Variants in TNK1 observed in about 807,000 individuals in gnomAD.
TNK1 encodes the protein non-receptor tyrosine-protein kinase TNK1.
Under a neutral mutation model 65.2 loss-of-function variants are expected in TNK1, and 53 were observed. The ratio of observed to expected loss-of-function variants is 0.81; its 90% CI spans 0.65 to 1.02. TNK1 has a LOEUF of 1.02. Among genes scored for constraint, TNK1 ranks in the 50% least tolerant of loss-of-function variants. The pLI, the probability that TNK1 is intolerant of heterozygous loss-of-function variation, is 0.00. For missense variants in TNK1, 837 were observed against 878.4 expected (o/e 0.95, Z 0.60); for synonymous variants, 353 against 364.6 (o/e 0.97, Z 0.36).
chr17:7,382,717 C>A lies in TNK1; in HGVS notation c.-91-119C>A. ...TACTCAGCGGTGAAGGGACAGAGTA[C>A]CCGGATGCCTGGGCACGGGGAACAT... On this transcript the variant is annotated intron_variant, in intron 1 of 12. Transcript: ENST00000688331. The surrounding 1 kb of genome is among the most constrained non-coding windows in gnomAD (Gnocchi z 4.1). 4.5e-6 allele frequency: 2 copies of A among 439,890 alleles called. No individual in the cohort carries two copies. Among genetic ancestry groups the A allele is most frequent in the East Asian group, 3.4e-5 (1 of 29,066 alleles). The allele number at this position is 439,890 out of a possible 1,614,324, so 27.2% of individuals were successfully genotyped here.
chr17:7,382,816 G>A lies in TNK1; in HGVS notation c.-91-20G>A, dbSNP rs1567644245. On this transcript the variant is annotated intron_variant, in intron 1 of 12. Coordinates refer to ENST00000688331, the MANE Select transcript of TNK1 (RefSeq NM_003985.6). This position sits in a 1 kb window ranked among gnomAD's most constrained non-coding sequence, Gnocchi z 4.1. ...GCTGTGTCCCTGCCTCTGTACCTGAGTGTTTCTAATGACTTGCAGGTGGAG... is the reference window on the plus strand; with the variant it reads ...GCTGTGTCCCTGCCTCTGTACCTGAATGTTTCTAATGACTTGCAGGTGGAG... The A allele has an allele frequency of 1.7e-6, 2 of 1,171,912 alleles. No homozygotes were observed. The highest frequency in any genetic ancestry group is 2.4e-5 in the East Asian group (1 of 41,736). 72.6% of individuals were successfully genotyped at this position (1,171,912 alleles called of 1,614,324 possible). A position where few individuals can be genotyped will look rare whatever the true frequency, so the allele number is the denominator to read the frequency against.
At chr17:7,387,345 G>A in intron 9 of TNK1, 33 bp from the exon 10 acceptor site, 1 of 1,581,900 alleles carries the variant, frequency 6.3e-7, no homozygotes. Context: ...GGGAGAGTTG[G>A]TGTGGAGGAT....
intron 9 of TNK1, 72 bp from the exon 10 acceptor site, chr17:7,387,306 T>C: frequency 6.5e-7 from 1 of 1,537,828 alleles, no homozygotes; most frequent in Non-Finnish European, 8.8e-7. Context: ...TGTGAGTTTT[T>C]TTGGGAGGGT....
chr17:7,383,069 G>A lies in TNK1; in HGVS notation c.143G>A (p.Gly48Asp). Residue 48 changes from glycine to aspartate, a missense_variant, in exon 2 of 13, where the codon GGC becomes GAC. Gly to Asp is a moderately conservative substitution (Grantham distance 94). Coordinates refer to ENST00000688331, the MANE Select transcript of TNK1 (RefSeq NM_003985.6). ...TTTGTAAAGCCTGAGGACCTGGACGGCATTGGCATGGGCCGGCCTGGTGAG... is the reference window on the plus strand; with the variant it reads ...TTTGTAAAGCCTGAGGACCTGGACGACATTGGCATGGGCCGGCCTGGTGAG... ...FDFVKPEDLD[G>D]IGMGRPAQRR... is the part of the protein sequence containing the mutation. 1 of 1,614,032 alleles carries A rather than the reference G, an allele frequency of 6.2e-7. No homozygotes were observed. Among genetic ancestry groups the A allele is most frequent in the Non-Finnish European group, 8.5e-7 (1 of 1,179,904 alleles).
At chr17:7,386,941 T>A (rs772854230) in intron 8 of TNK1, 49 bp from the exon 9 acceptor site, 1 of 1,498,696 alleles carries the variant, frequency 6.7e-7, no homozygotes, top group Non-Finnish European at 9.0e-7. Context: ...GGCCCAGCCC[T>A]AACTCTTGCC....
Position 7,388,505 on chromosome 17 carries a change from A to G in TNK1, c.1577A>G (p.Gln526Arg), listed in dbSNP as rs1905338722. ...ATTCGACAAGCCAGAGCTGTGCCCC[A>G]GGGACCTCCAGGCCTGCCTCCACGC... is the stretch of plus-strand genomic sequence containing the variant. The part of the protein sequence containing the change: ...PEIRQARAVP[Q>R]GPPGLPPRPP... The change falls in exon 11 of 13, where the codon CAG (glutamine) becomes CGG (arginine). Residue 526 changes from glutamine (Q) to arginine (R), a missense_variant. By Grantham distance (43) the Gln-to-Arg change is conservative (BLOSUM62 1). Coordinates refer to ENST00000688331, the MANE Select transcript of TNK1 (RefSeq NM_003985.6). This position sits in a 1 kb window ranked among gnomAD's most constrained non-coding sequence, Gnocchi z 4.5. The G allele has an allele frequency of 1.9e-6, 3 of 1,613,828 alleles. No individual in the cohort carries two copies. In the South Asian group the frequency reaches 3.3e-5, roughly 18 times the overall value.
intron 1 of TNK1, 75 bp downstream of exon 1, chr17:7,381,189 G>C (rs1005617726): frequency 1.3e-5 from 2 of 152,432 alleles, no homozygotes; most frequent in Non-Finnish European, 2.9e-5. Flanking sequence ...GGCGCGTCCG[G>C]GGGGCGCTGG....
chr17:7,383,243 C>G lies in TNK1; in HGVS notation c.164-7C>G, dbSNP rs1464119733. Reference sequence around the variant, plus strand: ...TCCACTCCAGCCCTGATTCTGGCCTCCCACAGCCCAGCGCAGACTGTCCGA... The same window carrying G: ...TCCACTCCAGCCCTGATTCTGGCCTGCCACAGCCCAGCGCAGACTGTCCGA... On this transcript the variant is annotated splice_polypyrimidine_tract_variant and splice_region_variant and intron_variant, in intron 2 of 12. Coordinates refer to ENST00000688331, the MANE Select transcript of TNK1 (RefSeq NM_003985.6). 2 of 1,613,894 alleles carry G rather than the reference C, an allele frequency of 1.2e-6. No homozygotes were observed. Among genetic ancestry groups the G allele is most frequent in the Admixed American group, 1.7e-5 (1 of 59,998 alleles).
chr17:7,383,947 C>T (rs1003522330), intron 5 of TNK1, 23 bp from the exon 6 acceptor site: 1 of 1,521,904 alleles, frequency 6.6e-7, no homozygotes. Flanking sequence ...CCGGCTCACG[C>T]GGCGCGGTGT....
intron 5 of TNK1, 50 bp downstream of exon 5, chr17:7,383,914 T>C: frequency 6.4e-7 from 1 of 1,570,458 alleles, no homozygotes; most frequent in Non-Finnish European, 8.6e-7. Flanking sequence ...GGCAGGAGCG[T>C]GGGCGGCCAG....
chr17:7,387,531 C>A, intron 10 of TNK1, 74 bp downstream of exon 10: 7 of 1,277,598 alleles, frequency 5.5e-6, no homozygotes, highest in South Asian at 1.3e-5. Context: ...TGCCCTAAAT[C>A]CATGCCTTTG....
In TNK1 at chr17:7,387,174, A is replaced by G. The variant is rs753213764; in HGVS notation, c.1397+20A>G. 3 of 1,554,060 alleles carry G rather than the reference A, an allele frequency of 1.9e-6. No individual in the cohort carries two copies. The highest frequency in any genetic ancestry group is 1.9e-5 in the Admixed American group (1 of 52,180). On this transcript the variant is annotated intron_variant, in intron 9 of 12. Transcript: ENST00000688331. ...AGATGGGTGAGGACCTGAAAGGGTG[A>G]GGGCAGGGGTTGGCTGGGAGAACTG...
chr17:7,384,022 C>T lies in TNK1; in HGVS notation c.635C>T (p.Ala212Val). ...GSLHARLTAP[A>V]PTPPLLVALL... ...CTGCACGCGCGCCTAACGGCCCCGG[C>T]CCCGACACCCCCGCTGCTCGTGGCC... is the stretch of plus-strand genomic sequence containing the variant. Residue 212 changes from alanine to valine, a missense_variant, in exon 6 of 13, where the codon GCC becomes GTC. Coordinates refer to ENST00000688331, the MANE Select transcript of TNK1 (RefSeq NM_003985.6). 1.3e-6 allele frequency: 2 copies of T among 1,507,280 alleles called. No individual in the cohort carries two copies. The highest frequency in any genetic ancestry group is 1.8e-4 in the Middle Eastern group (1 of 5,460). The allele number at this position is 1,507,280 out of a possible 1,614,324, so 93.4% of individuals were successfully genotyped here. A position where few individuals can be genotyped will look rare whatever the true frequency, so the allele number is the denominator to read the frequency against.
At position 7,383,858 on chromosome 17, in the gene TNK1, G is replaced by T. The variant is rs1905000182; in HGVS notation, c.576G>T (p.Leu192=). The T allele has an allele frequency of 1.2e-6, 2 of 1,609,126 alleles. No individual in the cohort carries two copies. Among genetic ancestry groups the T allele is most frequent in the Admixed American group, 1.7e-5 (1 of 59,468 alleles). Residue 192 remains leucine (L), a synonymous_variant, in exon 5 of 13, where the codon CTG becomes CTT. Coordinates refer to ENST00000688331, the MANE Select transcript of TNK1 (RefSeq NM_003985.6). Reference sequence around the variant, plus strand: ...ACGGCCTTGTACTGGGCCAGCCTCTGCAGATGGTGAGCAGATCCAGCCGCT... The same window carrying T: ...ACGGCCTTGTACTGGGCCAGCCTCTTCAGATGGTGAGCAGATCCAGCCGCT... ...RLHGLVLGQP[L]QMVMELAPLG...
In TNK1 at chr17:7,384,598, C is replaced by T. The variant is rs773410648; in HGVS notation, c.981C>T (p.Val327=). 1 of 1,612,466 alleles carries T rather than the reference C, an allele frequency of 6.2e-7. No homozygotes were observed. The highest frequency in any genetic ancestry group is 8.5e-7 in the Non-Finnish European group (1 of 1,179,392). Residue 327 remains valine, a synonymous_variant, in exon 7 of 13, where the codon GTC becomes GTT. Coordinates refer to ENST00000688331, the MANE Select transcript of TNK1 (RefSeq NM_003985.6). ...FSGGEEPWAG[V]PPYLILQRLE... is the part of the protein sequence containing the mutation. The stretch of plus-strand genomic sequence containing the variant: ...GGGGCGAGGAACCCTGGGCCGGGGT[C>T]CCACCGTACCTCATCCTGCAGCGGC...
rs1442554301 is a variant in TNK1, at chr17:7,382,050, G to A, written c.-91-786G>A. On this transcript the variant is annotated intron_variant, in intron 1 of 12. Transcript: ENST00000688331. The surrounding 1 kb of genome is among the most constrained non-coding windows in gnomAD (Gnocchi z 4.1). The stretch of plus-strand genomic sequence containing the variant: ...TGGGTGGCCGAGGCGGGCGGATCAC[G>A]AGGTCAGGAGTTCAAGACCAGCCTG... 6.6e-6 allele frequency among the ~76,000 whole-genome samples: 1 copy of A among 152,148 alleles called. No individual in the cohort carries two copies. Among genetic ancestry groups the A allele is most frequent in the Non-Finnish European group, 1.5e-5 (1 of 68,024 alleles).
Position 7,387,113 on chromosome 17 carries a change from C to T in TNK1, c.1356C>T (p.Gly452=), listed in dbSNP as rs778554504. Residue 452 remains glycine, a synonymous_variant, in exon 9 of 13, where the codon GGC becomes GGT. Transcript: ENST00000688331. ...CAGCCACCCGTCCAGTCCACAGAGG[C>T]ACCCCTGCCCGGGGAGATCAACACC... The part of the protein sequence containing the change: ...GLPATRPVHR[G]TPARGDQHPG... 2.5e-6 allele frequency: 4 copies of T among 1,605,170 alleles called. No homozygotes were observed. The highest frequency in any genetic ancestry group is 2.6e-6 in the Non-Finnish European group (3 of 1,175,130).
chr17:7,381,690 T>G (rs1904821247), intron 1 of TNK1, among the ~76,000 whole-genome samples: 1 of 152,212 alleles, frequency 6.6e-6, no homozygotes. Flanking sequence ...TGTTGCTGCC[T>G]CCGGTGGAGG....
rs1485055434 is a variant in TNK1 at position 7,384,273 on chromosome 17, C to T, written c.866+20C>T. ...CGCCTGGTGAGAGCGGGTCCGCGGG[C>T]GGTCGGGCTCTGAGCCGGGCGGATC... is the stretch of plus-strand genomic sequence containing the variant. On this transcript the variant is annotated intron_variant, in intron 6 of 12. Transcript: ENST00000688331. 25 of 1,442,808 alleles carry T rather than the reference C, an allele frequency of 1.7e-5. No individual in the cohort carries two copies. The highest frequency in any genetic ancestry group is 2.2e-5 in the Non-Finnish European group (24 of 1,105,504). The allele number at this position is 1,442,808 out of a possible 1,614,324, so 89.4% of individuals were successfully genotyped here.
Sources: gnomAD v4.1 joint callset for allele counts (sites outside exome capture counted in the v4.1 genomes callset) on GRCh38, gnomAD v4.1.1 for gene constraint, Gnocchi (gnomAD v3.1) non-coding constraint, MANE v1.5 for transcripts, NCBI Gene and HGNC (gene_info 2026-07-23, HGNC 2026-07-21) for gene names.